SIPA1L3: variants seen among roughly 807,000 people sequenced by gnomAD.
The protein encoded by SIPA1L3 is signal induced proliferation associated 1 like 3.
In SIPA1L3, 59 loss-of-function variants were observed where a neutral mutation model predicts 150.1. The ratio of observed to expected loss-of-function variants is 0.39; its 90% CI spans 0.32 to 0.49. SIPA1L3 has a LOEUF of 0.49. SIPA1L3 is among the 20% of genes least tolerant of loss of function. SIPA1L3 has a pLI of 0.86. For synonymous variants in SIPA1L3, 1,070 were observed against 1,077.6 expected (o/e 0.99, Z 0.14); for missense variants, 2,211 against 2,489.5 (o/e 0.89, Z 2.38).
At chr19:38,193,811 T>G in intron 18 of SIPA1L3, 31 bp downstream of exon 18, 1 of 1,521,740 alleles carries the variant, frequency 6.6e-7, no homozygotes. Context: ...ACTGGCGCGG[T>G]AGTTACCCCA....
chr19:37,990,997 C>CT (rs1170999626), intron 1 of SIPA1L3, among the ~76,000 whole-genome samples: 1 of 152,112 alleles, frequency 6.6e-6, no homozygotes, highest in Non-Finnish European at 1.5e-5. Flanking sequence ...CTTTGGGAGG[C>CT]TGGGGTGGGC....
At chr19:38,076,748 C>T (rs1395346253) in intron 2 of SIPA1L3, among the ~76,000 whole-genome samples, 4 of 152,192 alleles carry the variant, frequency 2.6e-5, no homozygotes. Flanking sequence ...AGATCTGCAG[C>T]TGCAGTTGCC....
At chr19:37,938,747 C>T (rs1010359190) in intron 1 of SIPA1L3, among the ~76,000 whole-genome samples, 2 of 151,508 alleles carry the variant, frequency 1.3e-5, no homozygotes, top group Non-Finnish European at 2.9e-5. Context: ...CTCAGCCTCA[C>T]GAGTAGTTGG....
At chr19:38,189,395 T>C (rs1021821264) in intron 16 of SIPA1L3, among the ~76,000 whole-genome samples, 1 of 152,070 alleles carries the variant, frequency 6.6e-6, no homozygotes, top group African/African-American at 2.4e-5. Context: ...CCTCCCAAAG[T>C]GCTGGGATTA....
chr19:38,043,821 C>T (rs1189844321), intron 2 of SIPA1L3, among the ~76,000 whole-genome samples: 1 of 152,148 alleles, frequency 6.6e-6, no homozygotes, highest in South Asian at 2.1e-4. Context: ...TCAGAGAGTT[C>T]CACAGGAGGT....
chr19:38,063,354 C>G (rs1291387398), intron 2 of SIPA1L3, among the ~76,000 whole-genome samples: 1 of 152,164 alleles, frequency 6.6e-6, no homozygotes, highest in Non-Finnish European at 1.5e-5. Flanking sequence ...CCCACTGCCG[C>G]CCCCCATCCC....
chr19:37,963,226 A>G (rs1303397276), intron 1 of SIPA1L3, among the ~76,000 whole-genome samples: 1 of 151,792 alleles, frequency 6.6e-6, no homozygotes, highest in South Asian at 2.1e-4. Context: ...TCTCCCTTGC[A>G]CACTCTCAAG....
chr19:38,205,246 G>A (rs1266149579), intron 21 of SIPA1L3, among the ~76,000 whole-genome samples: 4 of 151,774 alleles, frequency 2.6e-5, no homozygotes, highest in South Asian at 4.2e-4. Context: ...AGGTGGGTGA[G>A]GTCAGGAGTT....
chr19:38,124,440 G>T lies in SIPA1L3; in HGVS notation c.2868+4558G>T, dbSNP rs1426664027. On this transcript the variant is annotated intron_variant, in intron 9 of 21. Coordinates refer to ENST00000222345, the MANE Select transcript of SIPA1L3 (RefSeq NM_015073.3). ...AGAGACGTTCCTCACTTCCTAGATGGGATGGCGGCCGGGAAGAGGCGCTCC... is the reference window on the plus strand; with the variant it reads ...AGAGACGTTCCTCACTTCCTAGATGTGATGGCGGCCGGGAAGAGGCGCTCC... 2.6e-5 allele frequency among the ~76,000 whole-genome samples: 4 copies of T among 151,602 alleles called. No individual in the cohort carries two copies. The South Asian group carries it at 6.3e-4, about 24-fold the overall frequency.
At chr19:38,097,809 C>T (rs1455139620) in intron 4 of SIPA1L3, among the ~76,000 whole-genome samples, 3 of 152,230 alleles carry the variant, frequency 2.0e-5, no homozygotes, top group East Asian at 1.9e-4. Flanking sequence ...CTGCCCACCT[C>T]GGCCTCTCAA....
intron 8 of SIPA1L3, among the ~76,000 whole-genome samples, chr19:38,118,994 A>C (rs2145894112): frequency 6.6e-6 from 1 of 152,226 alleles, no homozygotes; most frequent in South Asian, 2.1e-4. Flanking sequence ...CAGGAGTTTG[A>C]GACCAGCCTG....
At chr19:37,908,695 C>T (rs2046355682) in intron 1 of SIPA1L3, among the ~76,000 whole-genome samples, 1 of 150,902 alleles carries the variant, frequency 6.6e-6, no homozygotes, top group South Asian at 2.1e-4. Flanking sequence ...GTTTTTTTAT[C>T]TTCCCCCTCC....
chr19:37,934,359 C>T (rs961962406), intron 1 of SIPA1L3, among the ~76,000 whole-genome samples: 2 of 152,186 alleles, frequency 1.3e-5, no homozygotes, highest in African/African-American at 4.8e-5. Flanking sequence ...ACATTTAACA[C>T]ATATGTCCCT....
At chr19:38,176,176 ATTT>A (rs112319201) in intron 15 of SIPA1L3, among the ~76,000 whole-genome samples, 2 of 146,418 alleles carry the variant, frequency 1.4e-5, no homozygotes, top group Admixed American at 6.8e-5. Context: ...CACTTGGCTA[ATTT>A]TTTTTTTTTT....
At chr19:38,024,922 C>T (rs1258140227) in intron 1 of SIPA1L3, among the ~76,000 whole-genome samples, 2 of 152,150 alleles carry the variant, frequency 1.3e-5, no homozygotes, top group Non-Finnish European at 2.9e-5. Context: ...AATCCCAGAG[C>T]TGGCCCAGCT....
intron 1 of SIPA1L3, among the ~76,000 whole-genome samples, chr19:37,997,127 C>T (rs1967653099): frequency 6.6e-6 from 1 of 152,162 alleles, no homozygotes; most frequent in South Asian, 2.1e-4. Flanking sequence ...ATAATATCCA[C>T]AAGTACATGT....
chr19:38,101,373 G>A lies in SIPA1L3; in HGVS notation c.2029+147G>A, dbSNP rs534160974. 3.9e-5 allele frequency: 21 copies of A among 543,892 alleles called. No individual in the cohort carries two copies. In the African/African-American group the frequency reaches 3.9e-4, roughly 10 times the overall value. The allele number at this position is 543,892 out of a possible 1,614,324, so 33.7% of individuals were successfully genotyped here. A position where few individuals can be genotyped will look rare whatever the true frequency, so the allele number is the denominator to read the frequency against. ...ACTTGTAGGAGCACAAATAAGTGCA[G>A]CCACTTTATTTTTTCGTGTTGTTGT... On this transcript the variant is annotated intron_variant, in intron 6 of 21. Transcript: ENST00000222345.
chr19:38,138,990 A>G (rs2384778), intron 10 of SIPA1L3, among the ~76,000 whole-genome samples: 1 of 149,534 alleles, frequency 6.7e-6, no homozygotes, highest in South Asian at 2.1e-4. Context: ...GAGGTCAGGC[A>G]TTCAAGACCA....
chr19:38,042,051 C>T (rs1654374), intron 2 of SIPA1L3, among the ~76,000 whole-genome samples: 60,568 of 151,940 alleles, frequency 0.4, 13,469 homozygotes, highest in African/African-American at 0.61. Context: ...CTTTTTAGTT[C>T]GATGTAGTCC....
Sources: gnomAD v4.1 joint callset for allele counts (sites outside exome capture counted in the v4.1 genomes callset) on GRCh38, gnomAD v4.1.1 for gene constraint, MANE v1.5 for transcripts, NCBI Gene and HGNC (gene_info 2026-07-23, HGNC 2026-07-21) for gene names.